KIF2A: variants seen among roughly 807,000 people sequenced by gnomAD.
KIF2A encodes kinesin-like protein KIF2A.
Under a neutral mutation model 100.2 loss-of-function variants are expected in KIF2A, and 22 were observed. The observed-to-expected ratio is 0.22, with a 90% CI of 0.16 to 0.31. KIF2A has a LOEUF of 0.31. Among genes scored for constraint, KIF2A ranks in the 10% least tolerant of loss-of-function variants. The pLI is 1.00. For missense variants in KIF2A, 495 were observed against 898.7 expected (o/e 0.55, Z 5.74); for synonymous variants, 268 against 285.9 (o/e 0.94, Z 0.63).
At chr5:62,373,615 T>C in intron 17 of KIF2A, 72 bp from the exon 18 acceptor site, 1 of 1,095,142 alleles carries the variant, frequency 9.1e-7, no homozygotes, top group Non-Finnish European at 1.4e-6. Flanking sequence ...GCGTGTATAT[T>C]GAATAGGCTG....
intron 1 of KIF2A, among the ~76,000 whole-genome samples, chr5:62,312,684 T>C (rs1313380109): frequency 6.6e-6 from 1 of 152,232 alleles, no homozygotes; most frequent in Non-Finnish European, 1.5e-5. Context: ...GCAATATTAG[T>C]GGTTTTATAG....
At chr5:62,369,646 C>A (rs531141247) in intron 16 of KIF2A, among the ~76,000 whole-genome samples, 5 of 151,256 alleles carry the variant, frequency 3.3e-5, no homozygotes, top group Admixed American at 3.3e-4. Context: ...GATACTCATA[C>A]CAATGTTTTG....
chr5:62,357,734 T>A lies in KIF2A; in HGVS notation c.698T>A (p.Leu233His). ...TGTGTGTGTGTAAGAAAACGACCAC[T>A]CAATAAAAAAGGTATGGCACTTAAT... Reference protein sequence around the residue: ...RICVCVRKRPLNKKETQMKDL... With the variant: ...RICVCVRKRPHNKKETQMKDL... Residue 233 changes from leucine (L) to histidine (H), a missense_variant, in exon 8 of 21, where the codon CTC becomes CAC. This residue lies in a region of KIF2A where 109 missense variants were observed against 244.2 expected (regional missense o/e 0.45). Transcript: ENST00000407818. 6.4e-7 allele frequency: 1 copy of A among 1,557,970 alleles called. No individual in the cohort carries two copies. Among genetic ancestry groups the A allele is most frequent in the Non-Finnish European group, 8.8e-7 (1 of 1,132,358 alleles).
At chr5:62,378,589 A>G (rs1157613268) in intron 19 of KIF2A, among the ~76,000 whole-genome samples, 1 of 152,186 alleles carries the variant, frequency 6.6e-6, no homozygotes, top group African/African-American at 2.4e-5. Flanking sequence ...GACAGAGAAC[A>G]CTTTATGTCA....
In KIF2A at chr5:62,306,520, G is replaced by A. The variant is rs533812435; in HGVS notation, c.48G>A (p.Glu16=). ...FGKIQIGIYV[E]IKRSDGRIHQ... Reference sequence around the variant, plus strand: ...AGATCCAGATCGGGATTTACGTGGAGATCAAGCGCAGCGATGGTGAGCCGC... The same window carrying A: ...AGATCCAGATCGGGATTTACGTGGAAATCAAGCGCAGCGATGGTGAGCCGC... Residue 16 remains glutamate, a synonymous_variant, in exon 1 of 21, where the codon GAG becomes GAA. Coordinates refer to ENST00000407818, the MANE Select transcript of KIF2A (RefSeq NM_001098511.3). 952 of 1,546,228 alleles carry A rather than the reference G, an allele frequency of 6.2e-4. 2 individuals are homozygous for A. Among genetic ancestry groups the A allele is most frequent in the Admixed American group, 1.6e-3 (82 of 50,636 alleles).
At chr5:62,336,990 A>G (rs1276817728) in intron 1 of KIF2A, among the ~76,000 whole-genome samples, 1 of 152,222 alleles carries the variant, frequency 6.6e-6, no homozygotes, top group Non-Finnish European at 1.5e-5. Flanking sequence ...TGGAAACTTT[A>G]TCTAAAACTC....
At chr5:62,378,748 T>C (rs910571793) in intron 19 of KIF2A, among the ~76,000 whole-genome samples, 3 of 151,978 alleles carry the variant, frequency 2.0e-5, no homozygotes, top group Non-Finnish European at 4.4e-5. Flanking sequence ...TGAAACCCTG[T>C]CTCTACAAAA....
Position 62,361,538 on chromosome 5 carries a change from C to T in KIF2A, c.1027+9C>T, listed in dbSNP as rs200648499. ...AATTTATGCATTAGCAGGTAACTGT[C>T]CTTTTTCCATAAAATTTGGAATATT... is the stretch of plus-strand genomic sequence containing the variant. On this transcript the variant is annotated intron_variant, in intron 11 of 20. Coordinates refer to ENST00000407818, the MANE Select transcript of KIF2A (RefSeq NM_001098511.3). 361 of 1,501,150 alleles carry T rather than the reference C, an allele frequency of 2.4e-4. 1 individual carries two copies. The highest frequency in any genetic ancestry group is 3.1e-4 in the Non-Finnish European group (332 of 1,084,832). The allele number at this position is 1,501,150 out of a possible 1,614,324, so 93.0% of individuals were successfully genotyped here. A position where few individuals can be genotyped will look rare whatever the true frequency, so the allele number is the denominator to read the frequency against.
intron 1 of KIF2A, among the ~76,000 whole-genome samples, chr5:62,323,423 T>C (rs1746209152): frequency 6.6e-6 from 1 of 151,296 alleles, no homozygotes; most frequent in Admixed American, 6.6e-5. Flanking sequence ...CTTGGGAGGC[T>C]GAGGCAGGAG....
In KIF2A at chr5:62,335,494, G is replaced by A. The variant is rs755265074; in HGVS notation, c.65-11636G>A. Among the ~76,000 whole-genome samples, 115 of 152,160 alleles carry A rather than the reference G, an allele frequency of 7.6e-4. 1 individual carries two copies. Among genetic ancestry groups the A allele is most frequent in the Admixed American group, 9.2e-4 (14 of 15,270 alleles). On this transcript the variant is annotated intron_variant, in intron 1 of 20. Transcript: ENST00000407818. ...GAGAAAAAGCAAGGAGTTTGTTCAGGTGGCCCTTGAATTCTGTACAGGGGT... is the reference window on the plus strand; with the variant it reads ...GAGAAAAAGCAAGGAGTTTGTTCAGATGGCCCTTGAATTCTGTACAGGGGT...
intron 18 of KIF2A, among the ~76,000 whole-genome samples, chr5:62,375,144 G>T (rs1741486250): frequency 1.3e-5 from 2 of 152,060 alleles, no homozygotes; most frequent in South Asian, 4.1e-4. Flanking sequence ...TATAAGGATA[G>T]AAAGAGATAA....
chr5:62,314,885 C>G (rs942875111), intron 1 of KIF2A, among the ~76,000 whole-genome samples: 1 of 151,454 alleles, frequency 6.6e-6, no homozygotes, highest in Non-Finnish European at 1.5e-5. Flanking sequence ...GCCTCAGCCT[C>G]CCCAGTAGCT....
At chr5:62,385,447 T>C in intron 20 of KIF2A, 37 bp from the exon 21 acceptor site, 1 of 1,437,260 alleles carries the variant, frequency 7.0e-7, no homozygotes, top group Non-Finnish European at 9.6e-7. Flanking sequence ...CTGCGTGTAA[T>C]ACAATACTTA....
chr5:62,387,962 A>T lies in KIF2A; in HGVS notation c.*2393A>T, dbSNP rs1020536275. 1.3e-5 allele frequency: 2 copies of T among 152,118 alleles called. No homozygotes were observed. The highest frequency in any genetic ancestry group is 1.3e-4 in the Admixed American group (2 of 15,280). 9.4% of individuals were successfully genotyped at this position (152,118 alleles called of 1,614,324 possible). ...TAAAAAAAGCCAAATATCAATAAAG[A>T]TATTTTTATTAATTTTTTATAGAAA... On this transcript the variant is annotated 3_prime_UTR_variant, in exon 21 of 21. Coordinates refer to ENST00000407818, the MANE Select transcript of KIF2A (RefSeq NM_001098511.3).
At chr5:62,336,004 G>A (rs996522168) in intron 1 of KIF2A, among the ~76,000 whole-genome samples, 5 of 152,072 alleles carry the variant, frequency 3.3e-5, no homozygotes, top group Non-Finnish European at 4.4e-5. Flanking sequence ...TATGACTTAG[G>A]ACTTAAAGAT....
chr5:62,313,065 A>G lies in KIF2A; in HGVS notation c.64+6529A>G, dbSNP rs536243164. On this transcript the variant is annotated intron_variant, in intron 1 of 20. Transcript: ENST00000407818. ...TATACTTCTATTAACAGCCTGCTAT[A>G]TATCAGGCATTCTGATAGGTGTTGG... Among the ~76,000 whole-genome samples, 3 of 152,192 alleles carry G rather than the reference A, an allele frequency of 2.0e-5. No homozygotes were observed. The East Asian group carries it at 5.8e-4, about 29-fold the overall frequency.
chr5:62,363,398 T>C (rs1430021786), intron 13 of KIF2A, 78 bp downstream of exon 13: 2 of 1,299,214 alleles, frequency 1.5e-6, no homozygotes, highest in Non-Finnish European at 2.1e-6. Flanking sequence ...GAGGATGTTA[T>C]CTATCAATAC....
rs752433920 is a variant in KIF2A, at chr5:62,357,677, C to G, written c.655-14C>G. ...CACTAATAATCACTGAAATAAAATACTTTTTATTTCTAGATTGATGAACAT... is the reference window on the plus strand; with the variant it reads ...CACTAATAATCACTGAAATAAAATAGTTTTTATTTCTAGATTGATGAACAT... On this transcript the variant is annotated splice_polypyrimidine_tract_variant and intron_variant, in intron 7 of 20. Transcript: ENST00000407818. 7.1e-7 allele frequency: 1 copy of G among 1,409,356 alleles called. No individual in the cohort carries two copies. The highest frequency in any genetic ancestry group is 9.9e-7 in the Non-Finnish European group (1 of 1,014,824). 87.3% of individuals were successfully genotyped at this position (1,409,356 alleles called of 1,614,324 possible).
At chr5:62,351,970 A>G (rs1217943633) in intron 4 of KIF2A, among the ~76,000 whole-genome samples, 2 of 152,162 alleles carry the variant, frequency 1.3e-5, no homozygotes, top group African/African-American at 4.8e-5. Flanking sequence ...CCTGACCAAT[A>G]TGGTGAAACC....
Sources: gnomAD v4.1 joint callset for allele counts (sites outside exome capture counted in the v4.1 genomes callset) on GRCh38, gnomAD v4.1.1 for gene constraint, gnomAD v4.1.1 regional missense constraint, MANE v1.5 for transcripts, NCBI Gene and HGNC (gene_info 2026-07-23, HGNC 2026-07-21) for gene names.